The following MVB12B variants were observed in gnomAD, a reference collection of about 807,000 sequenced individuals.
MVB12B encodes the protein multivesicular body subunit 12B.
MVB12B carries 16 observed loss-of-function variants against 41.6 expected under a neutral mutation model. That is an observed-to-expected ratio of 0.38 (90% CI 0.26 to 0.58). The LOEUF is 0.58. Among genes scored for constraint, MVB12B ranks in the 20% least tolerant of loss-of-function variants. The pLI, the probability that MVB12B is intolerant of heterozygous loss-of-function variation, is 0.62. For missense variants in MVB12B, 274 were observed against 380.2 expected, an observed-to-expected ratio of 0.72 and a Z score of 2.32; for synonymous variants, 133 against 139.7, an observed-to-expected ratio of 0.95 and a Z score of 0.34.
chr9:126,395,913 T>C lies in MVB12B; in HGVS notation c.662+216T>C. The C allele has an allele frequency of 7.4e-7, 1 of 1,358,936 alleles. No individual in the cohort carries two copies. Among genetic ancestry groups the C allele is most frequent in the African/African-American group, 1.5e-5 (1 of 68,404 alleles). The allele number at this position is 1,358,936 out of a possible 1,614,324, so 84.2% of individuals were successfully genotyped here. On this transcript the variant is annotated intron_variant, in intron 6 of 9. Coordinates refer to ENST00000361171, the MANE Select transcript of MVB12B (RefSeq NM_033446.3). The surrounding 1 kb of genome is among the most constrained non-coding windows in gnomAD (Gnocchi z 4.9). ...CATTCTATAGTCTATTTTGTGCGTG[T>C]TCTGCAGGCTTCTAAAATTGCAGAT...
intron 6 of MVB12B, chr9:126,397,333 C>T: frequency 1.0e-6 from 1 of 985,476 alleles, no homozygotes; most frequent in Non-Finnish European, 1.2e-6. Flanking sequence ...AGCAAAGTCA[C>T]TTGCACCTGA....
At chr9:126,400,052 C>T (rs1010955025) in intron 6 of MVB12B, among the ~76,000 whole-genome samples, 2 of 152,166 alleles carry the variant, frequency 1.3e-5, no homozygotes, top group Admixed American at 1.3e-4. Context: ...GCCTGGTGTG[C>T]ACAGCGGGAG....
chr9:126,388,701 T>G (rs1830866872), intron 4 of MVB12B, among the ~76,000 whole-genome samples: 2 of 152,220 alleles, frequency 1.3e-5, no homozygotes, highest in African/African-American at 4.8e-5. Flanking sequence ...TTTGTTATTG[T>G]CTGTCTTTTT....
At chr9:126,427,226 T>C (rs1347214716) in intron 7 of MVB12B, among the ~76,000 whole-genome samples, 3 of 152,190 alleles carry the variant, frequency 2.0e-5, no homozygotes, top group South Asian at 2.1e-4. Flanking sequence ...TATCCATGTA[T>C]TGGGGGGACA....
intron 7 of MVB12B, among the ~76,000 whole-genome samples, chr9:126,448,860 A>G (rs1322454656): frequency 2.6e-5 from 4 of 152,210 alleles, no homozygotes; most frequent in African/African-American, 9.7e-5. Flanking sequence ...TCACATGTCA[A>G]CGTGAAATTT....
rs930900450 is a variant in MVB12B at position 126,496,336 on chromosome 9, CAT to C, written c.874-6838_874-6837del. ...CCCCACCCACCCTTCCACCCATCCA[CAT>C]ATTAACCCATTCACTCATGCACCTG... On this transcript the variant is annotated intron_variant, in intron 9 of 9. Transcript: ENST00000361171. Among the ~76,000 whole-genome samples the C allele has an allele frequency of 1.9e-3, 272 of 142,894 alleles. 3 individuals are homozygous for C. The highest frequency in any genetic ancestry group is 7.1e-3 in the African/African-American group (268 of 37,742). 93.7% of individuals were successfully genotyped at this position (142,894 alleles called of 152,430 possible).
intron 9 of MVB12B, among the ~76,000 whole-genome samples, chr9:126,491,418 AGAT>A (rs1833729053): frequency 6.8e-6 from 1 of 147,280 alleles, no homozygotes; most frequent in East Asian, 2.6e-4. Context: ...GGTGCTTATT[AGAT>A]GTTGAAGAAT....
rs1174498105 is a variant in MVB12B, at chr9:126,378,425, G to GC, written c.205-2633dup. Among the ~76,000 whole-genome samples the GC allele has an allele frequency of 5.9e-5, 9 of 152,194 alleles. No homozygotes were observed. In the East Asian group the frequency reaches 1.2e-3, roughly 20 times the overall value. On this transcript the variant is annotated intron_variant, in intron 2 of 9. Coordinates refer to ENST00000361171, the MANE Select transcript of MVB12B (RefSeq NM_033446.3). ...GCTGTAGGAAAGACAGGCCAGAAATGCCCCCCTTGTTCCACCAGGGCTGCC... is the reference window on the plus strand; with the variant it reads ...GCTGTAGGAAAGACAGGCCAGAAATGCCCCCCCTTGTTCCACCAGGGCTGCC...
chr9:126,338,184 G>T (rs1288300287), intron 1 of MVB12B, among the ~76,000 whole-genome samples: 2 of 152,218 alleles, frequency 1.3e-5, no homozygotes, highest in East Asian at 1.9e-4. Context: ...CACAGCAGCT[G>T]GGGGGAAGGA....
chr9:126,414,424 A>G (rs116433784), intron 6 of MVB12B, among the ~76,000 whole-genome samples: 1 of 152,200 alleles, frequency 6.6e-6, no homozygotes, highest in Non-Finnish European at 1.5e-5. Flanking sequence ...GGCAGGGGGA[A>G]GGGGAGGATA....
At chr9:126,422,919 A>G (rs1291033290) in intron 7 of MVB12B, among the ~76,000 whole-genome samples, 3 of 152,194 alleles carry the variant, frequency 2.0e-5, no homozygotes, top group Non-Finnish European at 4.4e-5. Flanking sequence ...ATTCCTGCTG[A>G]GAAGGGGAGG....
At chr9:126,481,194 T>G in intron 7 of MVB12B, 175 bp from the exon 8 acceptor site, 1 of 647,566 alleles carries the variant, frequency 1.5e-6, no homozygotes, top group East Asian at 2.6e-5. Context: ...TTGTGTGTCC[T>G]GGCAGCAGGG....
chr9:126,499,620 G>A (rs530319626), intron 9 of MVB12B, among the ~76,000 whole-genome samples: 3 of 152,322 alleles, frequency 2.0e-5, no homozygotes, highest in South Asian at 2.1e-4. Flanking sequence ...GGGAGGAGCG[G>A]GCAGGGACCG....
In MVB12B at chr9:126,386,524, C is replaced by A; in HGVS notation, c.313-38C>A. 1 of 1,522,476 alleles carries A rather than the reference C, an allele frequency of 6.6e-7. No homozygotes were observed. The highest frequency in any genetic ancestry group is 1.1e-5 in the South Asian group (1 of 88,676). 94.3% of individuals were successfully genotyped at this position (1,522,476 alleles called of 1,614,324 possible). On this transcript the variant is annotated intron_variant, in intron 3 of 9. Transcript: ENST00000361171. The surrounding 1 kb of genome is among the most constrained non-coding windows in gnomAD (Gnocchi z 4.3). ...ATGGCAAACCCACCACATGCATGTT[C>A]AGATTAATAGTCTGTATCTCTTTTC...
At chr9:126,404,627 G>C (rs1472119224) in intron 6 of MVB12B, among the ~76,000 whole-genome samples, 1 of 152,210 alleles carries the variant, frequency 6.6e-6, no homozygotes, top group Non-Finnish European at 1.5e-5. Flanking sequence ...AGGCCCCTCT[G>C]GTCAGAAACC....
At chr9:126,428,467 T>C (rs2119108368) in intron 7 of MVB12B, among the ~76,000 whole-genome samples, 1 of 152,250 alleles carries the variant, frequency 6.6e-6, no homozygotes, top group East Asian at 1.9e-4. Flanking sequence ...TTTCCTTTCA[T>C]TTGCAGTGAT....
chr9:126,376,985 C>G lies in MVB12B; in HGVS notation c.205-4079C>G, dbSNP rs1374301053. On this transcript the variant is annotated intron_variant, in intron 2 of 9. Coordinates refer to ENST00000361171, the MANE Select transcript of MVB12B (RefSeq NM_033446.3). The surrounding 1 kb of genome is among the most constrained non-coding windows in gnomAD (Gnocchi z 4.1). ...GCTCAGTATCGGCTGCCACGGGCCC[C>G]TTAGGTCACAACCCGCCCCCTCCCC... is the stretch of plus-strand genomic sequence containing the variant. 6.6e-6 allele frequency among the ~76,000 whole-genome samples: 1 copy of G among 151,836 alleles called. No individual in the cohort carries two copies. The highest frequency in any genetic ancestry group is 1.5e-5 in the Non-Finnish European group (1 of 67,926).
intron 6 of MVB12B, among the ~76,000 whole-genome samples, chr9:126,418,845 T>G (rs145346200): frequency 6.6e-6 from 1 of 152,284 alleles, no homozygotes; most frequent in Non-Finnish European, 1.5e-5. Context: ...CCAGGGAGCC[T>G]TCTCCTACCC....
chr9:126,393,206 G>C (rs1290679828), intron 5 of MVB12B, among the ~76,000 whole-genome samples: 1 of 152,186 alleles, frequency 6.6e-6, no homozygotes, highest in Non-Finnish European at 1.5e-5. Flanking sequence ...TTGAGCAAAA[G>C]GAATAATTTA....
Sources: allele counts gnomAD v4.1 joint callset (sites outside exome capture counted in the v4.1 genomes callset), GRCh38; gene constraint gnomAD v4.1.1; non-coding constraint Gnocchi (gnomAD v3.1); transcripts MANE v1.5; gene names NCBI Gene and HGNC (gene_info 2026-07-23, HGNC 2026-07-21).